The following OR14J1 variants were observed in gnomAD, a reference collection of about 807,000 sequenced individuals.
OR14J1 encodes olfactory receptor family 14 subfamily J member 1.
For missense variants in OR14J1, 378 were observed against 393.4 expected (o/e 0.96, Z 0.33); for synonymous variants, 140 against 146.7 (o/e 0.95, Z 0.33).
chr6:29,303,731 T>TATCTGTCATCTATCTATC (rs1554297280), intron 1 of OR14J1, among the ~76,000 whole-genome samples: 2 of 146,778 alleles, frequency 1.4e-5, no homozygotes, highest in Admixed American at 1.4e-4. Flanking sequence ...TCTATCTATC[T>TATCTGTCATCTATCTATC]ATCATCTATC....
At position 29,312,910 on chromosome 6, in the gene OR14J1, G is replaced by A. The variant is rs946953885; in HGVS notation, c.*5255G>A. 4 of 152,086 alleles carry A rather than the reference G, an allele frequency of 2.6e-5. No individual in the cohort carries two copies. The highest frequency in any genetic ancestry group is 4.8e-5 in the African/African-American group (2 of 41,408). 9.4% of individuals were successfully genotyped at this position (152,086 alleles called of 1,614,324 possible). ...AAACACATTCATGGTGATATATATC[G>A]ATGAGTTTATTTTGTATTGCCCTGT... On this transcript the variant is annotated 3_prime_UTR_variant, in exon 2 of 2. Transcript: ENST00000641895.
chr6:29,304,825 GT>G (rs1774970526), intron 1 of OR14J1, among the ~76,000 whole-genome samples: 1 of 152,060 alleles, frequency 6.6e-6, no homozygotes, highest in African/African-American at 2.4e-5. Flanking sequence ...AATGATAGAG[GT>G]TTTTCTTAGA....
At chr6:29,306,613 T>C in intron 1 of OR14J1, 49 bp from the exon 2 acceptor site, 1 of 831,646 alleles carries the variant, frequency 1.2e-6, no homozygotes, top group Non-Finnish European at 2.0e-6. Flanking sequence ...CACACAAATA[T>C]ATTAGATGTC....
In OR14J1 at chr6:29,307,911, T is replaced by C. The variant is rs1018033988; in HGVS notation, c.*256T>C. The C allele has an allele frequency of 1.7e-5, 6 of 346,744 alleles. No homozygotes were observed. The highest frequency in any genetic ancestry group is 2.6e-5 in the Non-Finnish European group (5 of 193,036). The allele number at this position is 346,744 out of a possible 1,614,324, so 21.5% of individuals were successfully genotyped here. ...GACAATTAGTTTGGAGTCTGGCCTGTATAATTTAAAACTTGTTATTAACAA... is the reference window on the plus strand; with the variant it reads ...GACAATTAGTTTGGAGTCTGGCCTGCATAATTTAAAACTTGTTATTAACAA... On this transcript the variant is annotated 3_prime_UTR_variant, in exon 2 of 2. Coordinates refer to ENST00000641895, the MANE Select transcript of OR14J1 (RefSeq NM_030946.2).
rs1415264967 is a variant in OR14J1 at position 29,308,886 on chromosome 6, T to A, written c.*1231T>A. On this transcript the variant is annotated 3_prime_UTR_variant, in exon 2 of 2. Transcript: ENST00000641895. Reference sequence around the variant, plus strand: ...TGCCACATGAGATTTTTTCTTTTTTTTATATACTTTAAGCTCTGGGGTACA... The same window carrying A: ...TGCCACATGAGATTTTTTCTTTTTTATATATACTTTAAGCTCTGGGGTACA... 6.6e-6 allele frequency: 1 copy of A among 152,146 alleles called. No individual in the cohort carries two copies. The highest frequency in any genetic ancestry group is 2.4e-5 in the African/African-American group (1 of 41,446). 9.4% of individuals were successfully genotyped at this position (152,146 alleles called of 1,614,324 possible). A position where few individuals can be genotyped will look rare whatever the true frequency, so the allele number is the denominator to read the frequency against.
intron 1 of OR14J1, 58 bp downstream of exon 1, chr6:29,301,845 T>TTATG (rs1186045706): frequency 6.6e-6 from 1 of 152,188 alleles, no homozygotes. Context: ...TAGCACCTGC[T>TTATG]TAGTGCCAGC....
intron 1 of OR14J1, among the ~76,000 whole-genome samples, chr6:29,303,289 C>G (rs1475272849): frequency 2.0e-5 from 3 of 151,976 alleles, no homozygotes; most frequent in African/African-American, 7.3e-5. Flanking sequence ...TAAAAGAAGA[C>G]CCAGATAACG....
At chr6:29,302,351 G>A (rs1476116126) in intron 1 of OR14J1, among the ~76,000 whole-genome samples, 2 of 151,602 alleles carry the variant, frequency 1.3e-5, no homozygotes, top group African/African-American at 2.4e-5. Context: ...GCTAATTTTT[G>A]TATTTTTAGT....
At chr6:29,302,264 C>T (rs112014151) in intron 1 of OR14J1, among the ~76,000 whole-genome samples, 4,735 of 149,004 alleles carry the variant, frequency 0.032, 169 homozygotes, top group African/African-American at 0.09. Flanking sequence ...CTGTAACCTC[C>T]GCCTCCTGGG....
rs1775293077 is a variant in OR14J1, at chr6:29,308,788, A to G, written c.*1133A>G. The G allele has an allele frequency of 6.6e-6, 1 of 152,222 alleles. No homozygotes were observed. Among genetic ancestry groups the G allele is most frequent in the South Asian group, 2.1e-4 (1 of 4,830 alleles). 9.4% of individuals were successfully genotyped at this position (152,222 alleles called of 1,614,324 possible). On this transcript the variant is annotated 3_prime_UTR_variant, in exon 2 of 2. Coordinates refer to ENST00000641895, the MANE Select transcript of OR14J1 (RefSeq NM_030946.2). Reference sequence around the variant, plus strand: ...TTGCTCAGTAATGGGGAATGTTTTTATAGGACTTTTTTGAATTAATGGTTA... The same window carrying G: ...TTGCTCAGTAATGGGGAATGTTTTTGTAGGACTTTTTTGAATTAATGGTTA...
At chr6:29,304,407 C>A (rs1774932282) in intron 1 of OR14J1, among the ~76,000 whole-genome samples, 1 of 152,028 alleles carries the variant, frequency 6.6e-6, no homozygotes, top group African/African-American at 2.4e-5. Flanking sequence ...TTGGGGGAAA[C>A]AAATGACATT....
Position 29,308,310 on chromosome 6 carries a change from G to A in OR14J1, c.*655G>A, listed in dbSNP as rs1775259097. ...AAGGTCATTTATGTTCCTTACTGAT[G>A]GCAAATGCATTATTACCCAAATGTG... On this transcript the variant is annotated 3_prime_UTR_variant, in exon 2 of 2. Coordinates refer to ENST00000641895, the MANE Select transcript of OR14J1 (RefSeq NM_030946.2). 6.6e-6 allele frequency: 1 copy of A among 152,042 alleles called. No individual in the cohort carries two copies. The highest frequency in any genetic ancestry group is 6.6e-5 in the Admixed American group (1 of 15,244). The allele number at this position is 152,042 out of a possible 1,614,324, so 9.4% of individuals were successfully genotyped here.
chr6:29,311,676 G>T lies in OR14J1; in HGVS notation c.*4021G>T, dbSNP rs1341301096. On this transcript the variant is annotated 3_prime_UTR_variant, in exon 2 of 2. Coordinates refer to ENST00000641895, the MANE Select transcript of OR14J1 (RefSeq NM_030946.2). The stretch of plus-strand genomic sequence containing the variant: ...TTTTCTATTGTTTGGAATATTTTCA[G>T]AAGGAATGGTACCAGCTCCTTTTTG... 6.6e-6 allele frequency: 1 copy of T among 152,170 alleles called. No homozygotes were observed. Among genetic ancestry groups the T allele is most frequent in the Non-Finnish European group, 1.5e-5 (1 of 68,032 alleles). The allele number at this position is 152,170 out of a possible 1,614,324, so 9.4% of individuals were successfully genotyped here.
Position 29,306,791 on chromosome 6 carries a change from G to C in OR14J1, c.102G>C (p.Leu34=). Residue 34 remains leucine, a synonymous_variant, in exon 2 of 2, where the codon CTG becomes CTC. Coordinates refer to ENST00000641895, the MANE Select transcript of OR14J1 (RefSeq NM_030946.2). ...LHALVFLVTY[L]LALTGNLLII... ...CATTGGTATTTCTGGTGACATACCT[G>C]CTGGCCTTGACAGGCAACCTCCTCA... The C allele has an allele frequency of 6.2e-7, 1 of 1,612,942 alleles. No individual in the cohort carries two copies. Among genetic ancestry groups the C allele is most frequent in the Non-Finnish European group, 8.5e-7 (1 of 1,179,922 alleles).
At chr6:29,302,189 T>TC (rs1554296997) in intron 1 of OR14J1, among the ~76,000 whole-genome samples, 2 of 131,674 alleles carry the variant, frequency 1.5e-5, no homozygotes, top group Non-Finnish European at 3.3e-5. Context: ...CTTTTTTTTT[T>TC]TTTTTTTTGA....
chr6:29,306,651 T>G lies in OR14J1; in HGVS notation c.-28-11T>G, dbSNP rs1455627092. The G allele has an allele frequency of 1.5e-6, 2 of 1,363,116 alleles. No individual in the cohort carries two copies. Among genetic ancestry groups the G allele is most frequent in the Non-Finnish European group, 2.1e-6 (2 of 967,714 alleles). The allele number at this position is 1,363,116 out of a possible 1,614,324, so 84.4% of individuals were successfully genotyped here. A position where few individuals can be genotyped will look rare whatever the true frequency, so the allele number is the denominator to read the frequency against. On this transcript the variant is annotated splice_polypyrimidine_tract_variant and intron_variant, in intron 1 of 1. Coordinates refer to ENST00000641895, the MANE Select transcript of OR14J1 (RefSeq NM_030946.2). ...GCATTTTCTTCCTACTGTCTTTGGC[T>G]TCCTAAACAGAGTCACACTTGGTAT... is the stretch of plus-strand genomic sequence containing the variant.
rs547767056 is a variant in OR14J1, at chr6:29,311,609, T to C, written c.*3954T>C. 3.3e-5 allele frequency: 5 copies of C among 152,206 alleles called. No individual in the cohort carries two copies. The highest frequency in any genetic ancestry group is 7.3e-5 in the Non-Finnish European group (5 of 68,040). 9.4% of individuals were successfully genotyped at this position (152,206 alleles called of 1,614,324 possible). A position where few individuals can be genotyped will look rare whatever the true frequency, so the allele number is the denominator to read the frequency against. On this transcript the variant is annotated 3_prime_UTR_variant, in exon 2 of 2. Transcript: ENST00000641895. ...GTCTCTGCCAGGTTTTGGTATCAGG[T>C]TGATGCTGGCCTCATAAAATGAGTT...
intron 1 of OR14J1, among the ~76,000 whole-genome samples, chr6:29,302,854 T>C (rs1038946450): frequency 1.4e-5 from 2 of 146,196 alleles, no homozygotes; most frequent in Admixed American, 6.8e-5. Context: ...TTGCCAGAGA[T>C]AATGAAGGTT....
chr6:29,312,614 A>C lies in OR14J1; in HGVS notation c.*4959A>C, dbSNP rs1036167579. On this transcript the variant is annotated 3_prime_UTR_variant, in exon 2 of 2. Transcript: ENST00000641895. Reference sequence around the variant, plus strand: ...GGGTATCTCAGTTAGAAATGCAGAAATCATCTGGCTTCTGCATTGATCTCA... The same window carrying C: ...GGGTATCTCAGTTAGAAATGCAGAACTCATCTGGCTTCTGCATTGATCTCA... The C allele has an allele frequency of 2.0e-5, 3 of 152,020 alleles. No homozygotes were observed. The highest frequency in any genetic ancestry group is 4.4e-5 in the Non-Finnish European group (3 of 68,056). 9.4% of individuals were successfully genotyped at this position (152,020 alleles called of 1,614,324 possible).
Sources: gnomAD v4.1 joint callset for allele counts (sites outside exome capture counted in the v4.1 genomes callset) on GRCh38, gnomAD v4.1.1 for gene constraint, MANE v1.5 for transcripts, NCBI Gene and HGNC (gene_info 2026-07-23, HGNC 2026-07-21) for gene names.